HDAC7: variants seen among roughly 807,000 people sequenced by gnomAD.
The protein encoded by HDAC7 is histone deacetylase 7.
Under a neutral mutation model 115.5 loss-of-function variants are expected in HDAC7, and 26 were observed. That is an observed-to-expected ratio of 0.23 (90% CI 0.16 to 0.31). HDAC7 has a LOEUF of 0.31. HDAC7 is among the 10% of genes least tolerant of loss of function. The probability of loss-of-function intolerance (pLI) is 1.00; values close to 1 mark genes in which losing one functional copy is unlikely to be tolerated. For synonymous variants in HDAC7, 564 were observed against 550.9 expected, an observed-to-expected ratio of 1.02 and a Z score of -0.33; for missense variants, 1,068 against 1,329.0, an observed-to-expected ratio of 0.80 and a Z score of 3.05.
rs570154637 is a variant in HDAC7 at position 47,785,626 on chromosome 12, G to T, written c.2706+126C>A. 3 of 1,384,756 alleles carry T rather than the reference G, an allele frequency of 2.2e-6. No individual in the cohort carries two copies. The African/African-American group carries it at 4.4e-5, about 20-fold the overall frequency. The allele number at this position is 1,384,756 out of a possible 1,614,324, so 85.8% of individuals were successfully genotyped here. ...AACTTGGAACAGAGGCTTCCGCTTC[G>T]CCTACCTTGTTTCAGGCTTGGCCAC... is the stretch of plus-strand genomic sequence containing the variant. On this transcript the variant is annotated intron_variant, in intron 23 of 25. Transcript: ENST00000080059.
chr12:47,817,058 CCCTAAGGCCTGGGG>C (rs1290768607), intron 1 of HDAC7, among the ~76,000 whole-genome samples: 1 of 152,214 alleles, frequency 6.6e-6, no homozygotes, highest in Non-Finnish European at 1.5e-5. Context: ...CTTCCTGTAG[CCCTAAGGCCTGGGG>C]CCTCCAGGGA....
In HDAC7 at chr12:47,813,851, A is replaced by G. The variant is rs1944770727; in HGVS notation, c.19+5916T>C. Among the ~76,000 whole-genome samples the G allele has an allele frequency of 2.0e-5, 3 of 152,122 alleles. No individual in the cohort carries two copies. In the South Asian group the frequency reaches 6.2e-4, roughly 31 times the overall value. On this transcript the variant is annotated intron_variant, in intron 1 of 25. Transcript: ENST00000080059. ...GTCAGGGCTCCTTTGACACTCAATA[A>G]TCTAAGGCAAGGGCCAGGCAACACC...
chr12:47,784,404 AG>A, intron 24 of HDAC7, 187 bp from the exon 25 acceptor site: 1 of 644,262 alleles, frequency 1.6e-6, no homozygotes, highest in Non-Finnish European at 2.6e-6. Flanking sequence ...ACAGCCTGAC[AG>A]GGTACACAGA....
Position 47,819,111 on chromosome 12 carries a change from A to G in HDAC7, c.19+656T>C, listed in dbSNP as rs371418983. ...CGCGCCGCTGCCGGCATTGACCTCC[A>G]CAGCTCACCAGGGCACAGGTGTCTC... On this transcript the variant is annotated intron_variant, in intron 1 of 25. Coordinates refer to ENST00000080059, the MANE Select transcript of HDAC7 (RefSeq NM_015401.5). The G allele has an allele frequency of 3.9e-5, 6 of 152,486 alleles. No homozygotes were observed. In the East Asian group the frequency reaches 9.7e-4, roughly 25 times the overall value. 9.4% of individuals were successfully genotyped at this position (152,486 alleles called of 1,614,324 possible). A position where few individuals can be genotyped will look rare whatever the true frequency, so the allele number is the denominator to read the frequency against.
chr12:47,790,634 A>G (rs1943440019), intron 16 of HDAC7: 1 of 156,808 alleles, frequency 6.4e-6, no homozygotes, highest in Non-Finnish European at 1.4e-5. Context: ...TCCCTCCGGA[A>G]TGAGGCCTCC....
chr12:47,815,783 G>C (rs975009075), intron 1 of HDAC7, among the ~76,000 whole-genome samples: 2 of 150,964 alleles, frequency 1.3e-5, no homozygotes. Context: ...GGCTAAATTT[G>C]TATTTTTAGT....
chr12:47,810,104 G>A (rs1944585356), intron 1 of HDAC7, among the ~76,000 whole-genome samples: 1 of 152,086 alleles, frequency 6.6e-6, no homozygotes, highest in South Asian at 2.1e-4. Flanking sequence ...AAGCCACCAT[G>A]CCCAGCTAAT....
intron 1 of HDAC7, among the ~76,000 whole-genome samples, chr12:47,808,139 A>G (rs1324930877): frequency 3.9e-5 from 6 of 152,204 alleles, no homozygotes; most frequent in Admixed American, 2.6e-4. Context: ...AACAGTGAGC[A>G]TGCCTCTTTC....
Position 47,812,575 on chromosome 12 carries a change from T to C in HDAC7, c.19+7192A>G, listed in dbSNP as rs139677369. 6.2e-4 allele frequency among the ~76,000 whole-genome samples: 95 copies of C among 152,310 alleles called. 1 individual carries two copies. Among genetic ancestry groups the C allele is most frequent in the African/African-American group, 2.2e-3 (92 of 41,574 alleles). On this transcript the variant is annotated intron_variant, in intron 1 of 25. Transcript: ENST00000080059. ...GGAGGCACAGAGCAAAATGTGCCCA[T>C]AATCACACTTGCAGGAGAAACCGAG...
intron 1 of HDAC7, among the ~76,000 whole-genome samples, chr12:47,805,073 A>ATTT (rs561801413): frequency 7.0e-6 from 1 of 142,962 alleles, no homozygotes; most frequent in Non-Finnish European, 1.5e-5. Flanking sequence ...TCTTTTCTTA[A>ATTT]TTTTTTTTTT....
Position 47,791,928 on chromosome 12 carries a change from G to T in HDAC7, c.1755C>A (p.Gly585=). The T allele has an allele frequency of 6.2e-7, 1 of 1,611,088 alleles. No individual in the cohort carries two copies. The highest frequency in any genetic ancestry group is 8.5e-7 in the Non-Finnish European group (1 of 1,179,256). ...GCCGGGACCAGATGCTCTGGATGCG[G>T]CCGGCGTGCTCCGGGTGCCTGCTGT... ...GDNSRHPEHA[G]RIQSIWSRLQ... is the part of the protein sequence containing the mutation. The change falls in exon 14 of 26, where the codon GGC becomes GGA. Residue 585 remains glycine (G), a synonymous_variant. Coordinates refer to ENST00000080059, the MANE Select transcript of HDAC7 (RefSeq NM_015401.5).
chr12:47,786,028 T>C (rs865810337), intron 22 of HDAC7, 143 bp from the exon 23 acceptor site: 6 of 875,970 alleles, frequency 6.8e-6, no homozygotes, highest in Admixed American at 6.6e-5. Flanking sequence ...TGCTTTCACA[T>C]TGAATGTCGT....
intron 1 of HDAC7, chr12:47,802,609 G>A: frequency 2.4e-6 from 2 of 819,806 alleles, no homozygotes; most frequent in Non-Finnish European, 3.8e-6. Flanking sequence ...AATCTTCCCT[G>A]GGCAGCCAAA....
At position 47,787,645 on chromosome 12, in the gene HDAC7, C is replaced by T. The variant is rs376008192; in HGVS notation, c.2453+67G>A. On this transcript the variant is annotated intron_variant, in intron 21 of 25. Transcript: ENST00000080059. ...TGACAATCCAACTGATCACCTCCCC[C>T]CTGGTGCTCTTGGGAGAAGGGACAG... The T allele has an allele frequency of 5.3e-6, 6 of 1,131,992 alleles. No individual in the cohort carries two copies. The African/African-American group carries it at 6.2e-5, about 12-fold the overall frequency. The allele number at this position is 1,131,992 out of a possible 1,614,324, so 70.1% of individuals were successfully genotyped here. A position where few individuals can be genotyped will look rare whatever the true frequency, so the allele number is the denominator to read the frequency against.
intron 25 of HDAC7, 86 bp downstream of exon 25, chr12:47,783,993 G>C: frequency 1.3e-6 from 2 of 1,598,102 alleles, no homozygotes; most frequent in Non-Finnish European, 8.6e-7. Flanking sequence ...GGTTGGGGTG[G>C]CTGCATAGCG....
chr12:47,792,167 C>G, intron 13 of HDAC7, 163 bp from the exon 14 acceptor site: 1 of 740,742 alleles, frequency 1.3e-6, no homozygotes, highest in East Asian at 2.8e-5. Flanking sequence ...TGCCCCTACC[C>G]CAGCCCCAGC....
At chr12:47,812,893 C>T (rs914192083) in intron 1 of HDAC7, 2 of 152,266 alleles carry the variant, frequency 1.3e-5, no homozygotes, top group African/African-American at 4.8e-5. Flanking sequence ...GGCTCACTCT[C>T]AAGGCGGCCC....
At chr12:47,809,759 C>T (rs1385181636) in intron 1 of HDAC7, among the ~76,000 whole-genome samples, 3 of 151,434 alleles carry the variant, frequency 2.0e-5, no homozygotes, top group Non-Finnish European at 2.9e-5. Flanking sequence ...TTAGTAGAGA[C>T]GGGGTTTCAC....
rs894506503 is a variant in HDAC7, at chr12:47,791,139, C to T, written c.1983+120G>A. ...GGGGCACCTCAGGAAGTCCCTGGCT[C>T]ACCCTGTCTGGCAGAACCACAACAA... On this transcript the variant is annotated intron_variant, in intron 16 of 25. Coordinates refer to ENST00000080059, the MANE Select transcript of HDAC7 (RefSeq NM_015401.5). 8.0e-6 allele frequency: 8 copies of T among 997,028 alleles called. No individual in the cohort carries two copies. In the African/African-American group the frequency reaches 1.3e-4, roughly 16 times the overall value. The allele number at this position is 997,028 out of a possible 1,614,324, so 61.8% of individuals were successfully genotyped here.
Sources: gnomAD v4.1 joint callset for allele counts (sites outside exome capture counted in the v4.1 genomes callset) on GRCh38, gnomAD v4.1.1 for gene constraint, MANE v1.5 for transcripts, NCBI Gene and HGNC (gene_info 2026-07-23, HGNC 2026-07-21) for gene names.